Variants in ARID1B observed in about 807,000 individuals in gnomAD.
ARID1B encodes the protein AT-rich interactive domain-containing protein 1B.
In ARID1B, 30 loss-of-function variants were observed where a neutral mutation model predicts 212.3. That is an observed-to-expected ratio of 0.14 (90% CI 0.11 to 0.19). The LOEUF is 0.19. Among genes scored for constraint, ARID1B ranks in the 10% least tolerant of loss-of-function variants. The pLI is 1.00. For synonymous variants in ARID1B, 1,402 were observed against 1,301.7 expected (o/e 1.08, Z -1.66); for missense variants, 2,891 against 3,204.0 (o/e 0.90, Z 2.36).
At chr6:157,003,902 A>T (rs1213195406) in intron 4 of ARID1B, among the ~76,000 whole-genome samples, 1 of 152,030 alleles carries the variant, frequency 6.6e-6, no homozygotes, top group Non-Finnish European at 1.5e-5. Flanking sequence ...GTTCAAGGCG[A>T]GGCAAGAGGA....
At chr6:157,025,927 A>AT (rs950310929) in intron 4 of ARID1B, among the ~76,000 whole-genome samples, 8,768 of 145,848 alleles carry the variant, frequency 0.06, 410 homozygotes, top group African/African-American at 0.14. Context: ...GCTGGAATAG[A>AT]TTTTTTTTTT....
intron 15 of ARID1B, among the ~76,000 whole-genome samples, chr6:157,191,194 G>A (rs1793345492): frequency 6.6e-6 from 1 of 152,084 alleles, no homozygotes; most frequent in Admixed American, 6.5e-5. Context: ...CACTGTGAGA[G>A]TCTAGGGGGA....
chr6:157,174,380 C>T (rs1485533018), intron 10 of ARID1B: 2 of 336,586 alleles, frequency 5.9e-6, no homozygotes, highest in Non-Finnish European at 5.4e-6. Context: ...AAAAATGCTT[C>T]GGGGTGGGGA....
intron 3 of ARID1B, among the ~76,000 whole-genome samples, chr6:156,929,058 G>C (rs1313690550): frequency 6.6e-6 from 1 of 152,158 alleles, no homozygotes; most frequent in African/African-American, 2.4e-5. Flanking sequence ...CTCCAGCCTA[G>C]TGCTCATAAG....
At chr6:157,119,375 T>G (rs1052018187) in intron 6 of ARID1B, among the ~76,000 whole-genome samples, 1 of 152,200 alleles carries the variant, frequency 6.6e-6, no homozygotes, top group Non-Finnish European at 1.5e-5. Context: ...GGTGCACTGA[T>G]CTGTGCGGTC....
At chr6:157,167,340 T>G in intron 9 of ARID1B, 155 bp downstream of exon 9, 1 of 823,496 alleles carries the variant, frequency 1.2e-6, no homozygotes, top group Non-Finnish European at 1.8e-6. Flanking sequence ...ACTTGCTCCA[T>G]CTATTTAAGA....
In ARID1B at chr6:156,778,643, C is replaced by T. The variant is rs533517668; in HGVS notation, c.963C>T (p.Ala321=). The T allele has an allele frequency of 1.7e-3, 2,487 of 1,473,968 alleles. 2 individuals carry two copies. The highest frequency in any genetic ancestry group is 2.1e-3 in the Non-Finnish European group (2,312 of 1,108,596). 91.3% of individuals were successfully genotyped at this position (1,473,968 alleles called of 1,614,324 possible). ...TTAATAATTACTATGGCAGCGCTGC[C>T]CCTGCGAGCGGCGGCCCCGGCGGCC... ...PEFNNYYGSA[A]PASGGPGGRA... The change falls in exon 1 of 20, where the codon GCC becomes GCT. Residue 321 remains alanine (A), a synonymous_variant. Transcript: ENST00000636930.
chr6:157,156,316 A>G (rs1445249815), intron 8 of ARID1B, among the ~76,000 whole-genome samples: 1 of 152,230 alleles, frequency 6.6e-6, no homozygotes, highest in Non-Finnish European at 1.5e-5. Flanking sequence ...TATTTCTGCA[A>G]TTAAATGTAA....
chr6:157,177,176 G>T (rs1792152605), intron 11 of ARID1B, among the ~76,000 whole-genome samples: 1 of 152,114 alleles, frequency 6.6e-6, no homozygotes, highest in African/African-American at 2.4e-5. Flanking sequence ...TTAAGAATTT[G>T]CAAGCAAACT....
chr6:156,957,274 G>A (rs1794038756), intron 4 of ARID1B, among the ~76,000 whole-genome samples: 1 of 152,106 alleles, frequency 6.6e-6, no homozygotes, highest in Admixed American at 6.5e-5. Context: ...TGTTTCTCTG[G>A]GTTTTCAGTT....
chr6:156,973,274 C>CT (rs1476944300), intron 4 of ARID1B, among the ~76,000 whole-genome samples: 9 of 151,502 alleles, frequency 5.9e-5, no homozygotes, highest in South Asian at 2.1e-4. Context: ...ATTATAGAAC[C>CT]TTTTTTTTTA....
Position 157,031,389 on chromosome 6 carries a change from A to G in ARID1B, c.2248-53273A>G, listed in dbSNP as rs183940373. On this transcript the variant is annotated intron_variant, in intron 4 of 19. Coordinates refer to ENST00000636930, the MANE Select transcript of ARID1B (RefSeq NM_001374828.1). ...GAGTATTTTTATCCCCTGGACACCA[A>G]TGTAGGCAAAAATTATTCTTTCCAA... is the stretch of plus-strand genomic sequence containing the variant. Among the ~76,000 whole-genome samples the G allele has an allele frequency of 2.6e-3, 396 of 152,342 alleles. 2 individuals are homozygous for G. The highest frequency in any genetic ancestry group is 8.9e-3 in the African/African-American group (369 of 41,584).
chr6:157,039,116 G>C (rs1489186862), intron 4 of ARID1B, among the ~76,000 whole-genome samples: 1 of 151,882 alleles, frequency 6.6e-6, no homozygotes, highest in East Asian at 1.9e-4. Flanking sequence ...AGTGATCCCT[G>C]GTCTTGGCCT....
chr6:157,146,287 C>T (rs1402646748), intron 7 of ARID1B, among the ~76,000 whole-genome samples: 1 of 152,210 alleles, frequency 6.6e-6, no homozygotes, highest in East Asian at 1.9e-4. Flanking sequence ...GAGAACACCT[C>T]TTCATGTGGA....
upstream of ARID1B, chr6:156,776,407 T>C (rs994487920): frequency 6.6e-6 from 1 of 151,992 alleles, no homozygotes; most frequent in Admixed American, 6.5e-5. Context: ...TTATTAAATA[T>C]AATGTCTATA....
chr6:157,136,720 G>T (rs1377558881), intron 7 of ARID1B, among the ~76,000 whole-genome samples: 1 of 149,900 alleles, frequency 6.7e-6, no homozygotes, highest in Non-Finnish European at 1.5e-5. Flanking sequence ...AACTTAGCCG[G>T]GTGCGGTGGC....
chr6:157,013,898 C>G (rs372867076), intron 4 of ARID1B, among the ~76,000 whole-genome samples: 25 of 152,344 alleles, frequency 1.6e-4, no homozygotes, highest in African/African-American at 6.0e-4. Context: ...ATACTCGGTG[C>G]TTTGCTCAAG....
intron 15 of ARID1B, among the ~76,000 whole-genome samples, chr6:157,192,731 G>C (rs907361813): frequency 1.3e-5 from 2 of 152,196 alleles, no homozygotes; most frequent in Non-Finnish European, 2.9e-5. Flanking sequence ...GTGTATTTCA[G>C]TTCACCTGCT....
intron 4 of ARID1B, among the ~76,000 whole-genome samples, chr6:157,073,102 C>CTT (rs869172647): frequency 0.011 from 1,548 of 138,812 alleles, 44 homozygotes; most frequent in African/African-American, 0.038. Context: ...TTCACCCCAT[C>CTT]TTTTTTTTTT....
Sources: gnomAD v4.1 joint callset for allele counts (sites outside exome capture counted in the v4.1 genomes callset) on GRCh38, gnomAD v4.1.1 for gene constraint, MANE v1.5 for transcripts, NCBI Gene and HGNC (gene_info 2026-07-23, HGNC 2026-07-21) for gene names.